Variants in ENPP6 observed in about 807,000 individuals in gnomAD.
The protein encoded by ENPP6 is ectonucleotide pyrophosphatase/phosphodiesterase 6, also known as glycerophosphocholine cholinephosphodiesterase ENPP6.
Under a neutral mutation model 42.0 loss-of-function variants are expected in ENPP6, and 32 were observed. That is an observed-to-expected ratio of 0.76 (90% CI 0.58 to 1.02). The LOEUF (loss-of-function observed/expected upper bound fraction) is 1.02. Ranked by LOEUF, ENPP6 falls within the 50% of genes least tolerant of loss-of-function variation. The pLI is 0.00. For missense variants in ENPP6, 552 were observed against 566.8 expected (o/e 0.97, Z 0.27); for synonymous variants, 213 against 216.0 (o/e 0.99, Z 0.12).
intron 2 of ENPP6, among the ~76,000 whole-genome samples, chr4:184,131,148 T>A (rs148375605): frequency 1.1e-3 from 44 of 41,692 alleles, no homozygotes; most frequent in East Asian, 5.9e-3. Flanking sequence ...TTACTTTCTT[T>A]CTTTCTTTCT....
At chr4:184,206,409 C>G (rs34697589) in intron 1 of ENPP6, among the ~76,000 whole-genome samples, 1 of 75,638 alleles carries the variant, frequency 1.3e-5, no homozygotes, top group Admixed American at 1.5e-4. Flanking sequence ...AGGCGGGCGC[C>G]ACCAGGCCCG....
intron 1 of ENPP6, among the ~76,000 whole-genome samples, chr4:184,167,956 G>C (rs1737381069): frequency 6.6e-6 from 1 of 152,192 alleles, no homozygotes; most frequent in Non-Finnish European, 1.5e-5. Flanking sequence ...AGCAACTCAA[G>C]GGGGCTGCAT....
intron 2 of ENPP6, among the ~76,000 whole-genome samples, chr4:184,153,349 C>G (rs1391168502): frequency 6.6e-6 from 1 of 152,104 alleles, no homozygotes; most frequent in Non-Finnish European, 1.5e-5. Context: ...GTCTCGAACT[C>G]CTGACTTCAG....
At chr4:184,142,657 C>T (rs1263785879) in intron 2 of ENPP6, among the ~76,000 whole-genome samples, 1 of 152,180 alleles carries the variant, frequency 6.6e-6, no homozygotes, top group Non-Finnish European at 1.5e-5. Context: ...CATCCATTAG[C>T]GCTGACTCTG....
At chr4:184,141,348 T>C (rs1203089986) in intron 2 of ENPP6, among the ~76,000 whole-genome samples, 1 of 152,178 alleles carries the variant, frequency 6.6e-6, no homozygotes, top group African/African-American at 2.4e-5. Context: ...GAGCATGGAA[T>C]CTGGTCAGCT....
intron 1 of ENPP6, among the ~76,000 whole-genome samples, chr4:184,191,426 G>A (rs1301374375): frequency 2.6e-5 from 4 of 152,144 alleles, no homozygotes; most frequent in Admixed American, 6.5e-5. Context: ...GACTGAATCC[G>A]GCTACTTGTA....
intron 2 of ENPP6, among the ~76,000 whole-genome samples, chr4:184,131,263 C>T (rs55897557): frequency 0.33 from 23,409 of 71,572 alleles, 4,097 homozygotes; most frequent in Non-Finnish European, 0.36. Flanking sequence ...TCTTTCTCTT[C>T]CTTCCTTCCT....
intron 2 of ENPP6, among the ~76,000 whole-genome samples, chr4:184,131,290 T>C (rs2111358907): frequency 6.8e-6 from 1 of 146,698 alleles, no homozygotes; most frequent in African/African-American, 2.5e-5. Flanking sequence ...CTTCCTTCCT[T>C]CCTTCCTTCC....
intron 6 of ENPP6, among the ~76,000 whole-genome samples, chr4:184,111,373 C>T (rs1736193259): frequency 6.6e-6 from 1 of 152,198 alleles, no homozygotes; most frequent in African/African-American, 2.4e-5. Context: ...GGAAGGCTGG[C>T]GTTGTGGAAT....
intron 2 of ENPP6, among the ~76,000 whole-genome samples, chr4:184,137,422 T>C (rs1215549271): frequency 1.3e-5 from 2 of 152,222 alleles, no homozygotes; most frequent in African/African-American, 2.4e-5. Flanking sequence ...TCTATTCTGC[T>C]TTTTTTCTCT....
intron 3 of ENPP6, among the ~76,000 whole-genome samples, chr4:184,120,181 G>A (rs1211490786): frequency 6.6e-6 from 1 of 152,144 alleles, no homozygotes; most frequent in African/African-American, 2.4e-5. Flanking sequence ...CAGTCTCCTA[G>A]CCCCAGCCTG....
intron 6 of ENPP6, among the ~76,000 whole-genome samples, chr4:184,100,173 A>G (rs182960355): frequency 6.6e-6 from 1 of 152,370 alleles, no homozygotes; most frequent in Non-Finnish European, 1.5e-5. Flanking sequence ...AAAAAATCAT[A>G]GCCACCTGGC....
intron 7 of ENPP6, among the ~76,000 whole-genome samples, chr4:184,095,950 G>T (rs1366896438): frequency 6.6e-6 from 1 of 152,126 alleles, no homozygotes; most frequent in Non-Finnish European, 1.5e-5. Flanking sequence ...CTGACAGGGA[G>T]CACCTGATAA....
At chr4:184,109,536 T>C (rs1463968377) in intron 6 of ENPP6, among the ~76,000 whole-genome samples, 2 of 152,178 alleles carry the variant, frequency 1.3e-5, no homozygotes, top group Non-Finnish European at 2.9e-5. Context: ...TAATTAAAGG[T>C]GTGTGAGCCA....
At chr4:184,168,644 T>C (rs934965016) in intron 1 of ENPP6, among the ~76,000 whole-genome samples, 1 of 152,160 alleles carries the variant, frequency 6.6e-6, no homozygotes, top group Non-Finnish European at 1.5e-5. Context: ...GCCGTCCCCG[T>C]AGTCCGCCGA....
In ENPP6 at chr4:184,151,408, G is replaced by A. The variant is rs116254166; in HGVS notation, c.421+2146C>T. Among the ~76,000 whole-genome samples, 1,014 of 152,276 alleles carry A rather than the reference G, an allele frequency of 6.7e-3. 15 individuals are homozygous for A. The highest frequency in any genetic ancestry group is 0.023 in the African/African-American group (944 of 41,550). On this transcript the variant is annotated intron_variant, in intron 2 of 7. Coordinates refer to ENST00000296741, the MANE Select transcript of ENPP6 (RefSeq NM_153343.4). Reference sequence around the variant, plus strand: ...CAGAGAGAAGTGTGTGCAATACGGCGACTGCCCCTCAGTAGGATCTCCTCC... The same window carrying A: ...CAGAGAGAAGTGTGTGCAATACGGCAACTGCCCCTCAGTAGGATCTCCTCC...
Position 184,112,703 on chromosome 4 carries a change from A to G in ENPP6, c.962T>C (p.Leu321Ser). The G allele has an allele frequency of 6.2e-7, 1 of 1,614,132 alleles. No individual in the cohort carries two copies. The highest frequency in any genetic ancestry group is 1.1e-5 in the South Asian group (1 of 91,040). The change falls in exon 6 of 8, where the codon TTA (leucine) becomes TCA (serine). Residue 321 changes from leucine (L) to serine (S), a missense_variant. Coordinates refer to ENST00000296741, the MANE Select transcript of ENPP6 (RefSeq NM_153343.4). ...TATGAACCAGCCTTCATCAGCCACT[A>G]AAGTCAAAGGAGAGACAAACTTTCC... Reference protein sequence around the residue: ...KKGKFVSPLTLVADEGWFITE... With the variant: ...KKGKFVSPLTSVADEGWFITE...
intron 1 of ENPP6, among the ~76,000 whole-genome samples, chr4:184,186,252 A>G (rs1401823340): frequency 1.3e-5 from 2 of 152,260 alleles, no homozygotes; most frequent in Non-Finnish European, 2.9e-5. Flanking sequence ...CTATGGATAC[A>G]TGTTCCAGTG....
intron 2 of ENPP6, among the ~76,000 whole-genome samples, chr4:184,139,306 G>A (rs1041966634): frequency 2.2e-4 from 33 of 152,018 alleles, no homozygotes; most frequent in African/African-American, 8.0e-4. Flanking sequence ...GTTTTAGAGG[G>A]AGCAAAGTTA....
Sources: gnomAD v4.1 joint callset for allele counts (sites outside exome capture counted in the v4.1 genomes callset) on GRCh38, gnomAD v4.1.1 for gene constraint, MANE v1.5 for transcripts, NCBI Gene and HGNC (gene_info 2026-07-23, HGNC 2026-07-21) for gene names.